DPYSL3: variants seen among roughly 807,000 people sequenced by gnomAD.
The protein encoded by DPYSL3 is dihydropyrimidinase like 3, also known as dihydropyrimidinase-related protein 3.
Under a neutral mutation model 66.1 loss-of-function variants are expected in DPYSL3, and 16 were observed. That is an observed-to-expected ratio of 0.24 (90% CI 0.16 to 0.37). The LOEUF (loss-of-function observed/expected upper bound fraction) is 0.37, where lower values mean the gene tolerates loss of function less well. Ranked by LOEUF, DPYSL3 falls within the 10% of genes least tolerant of loss-of-function variation. DPYSL3 has a pLI of 1.00. For missense variants in DPYSL3, 738 were observed against 916.2 expected, an observed-to-expected ratio of 0.81 and a Z score of 2.51; for synonymous variants, 338 against 345.1, an observed-to-expected ratio of 0.98 and a Z score of 0.23.
intron 2 of DPYSL3, among the ~76,000 whole-genome samples, chr5:147,419,885 C>A (rs916587193): frequency 1.3e-5 from 2 of 152,340 alleles, no homozygotes; most frequent in South Asian, 4.1e-4. Context: ...CTGGCCAATT[C>A]TGTTCTCATT....
intron 1 of DPYSL3, among the ~76,000 whole-genome samples, chr5:147,496,858 T>A (rs1753521925): frequency 6.6e-6 from 1 of 152,064 alleles, no homozygotes; most frequent in Non-Finnish European, 1.5e-5. Flanking sequence ...CTCAGGGATC[T>A]AGAACTAGAA....
intron 1 of DPYSL3, among the ~76,000 whole-genome samples, chr5:147,446,407 C>G (rs1256127483): frequency 6.6e-6 from 1 of 152,210 alleles, no homozygotes; most frequent in Non-Finnish European, 1.5e-5. Context: ...AAAATAAAAT[C>G]TCGTTTTACC....
At chr5:147,473,746 A>G (rs1031125368) in intron 1 of DPYSL3, among the ~76,000 whole-genome samples, 19 of 152,120 alleles carry the variant, frequency 1.2e-4, no homozygotes, top group African/African-American at 4.3e-4. Context: ...CTTTGCAGTT[A>G]AATGGTGATT....
At chr5:147,500,595 C>T (rs531628176) in intron 1 of DPYSL3, among the ~76,000 whole-genome samples, 6 of 136,526 alleles carry the variant, frequency 4.4e-5, no homozygotes, top group South Asian at 2.3e-4. Context: ...GCCTGGGCAA[C>T]AGAGTGAGAC....
At chr5:147,463,602 A>T (rs1198253610) in intron 1 of DPYSL3, among the ~76,000 whole-genome samples, 1 of 152,090 alleles carries the variant, frequency 6.6e-6, no homozygotes, top group Admixed American at 6.5e-5. Context: ...ACATAAAGTG[A>T]CCCTGTTAGT....
chr5:147,466,479 C>T (rs1490743570), intron 1 of DPYSL3, among the ~76,000 whole-genome samples: 1 of 152,196 alleles, frequency 6.6e-6, no homozygotes, highest in Admixed American at 6.5e-5. Context: ...AAGACTGAAT[C>T]CCGGAACTAC....
intron 5 of DPYSL3, among the ~76,000 whole-genome samples, chr5:147,412,976 T>G (rs1751887819): frequency 6.6e-6 from 1 of 152,194 alleles, no homozygotes; most frequent in Admixed American, 6.5e-5. Context: ...ACATTTTTAA[T>G]GGAATTATTT....
At chr5:147,454,882 G>A (rs1752816796) in intron 1 of DPYSL3, among the ~76,000 whole-genome samples, 1 of 152,178 alleles carries the variant, frequency 6.6e-6, no homozygotes, top group African/African-American at 2.4e-5. Context: ...AGTGGTGGCT[G>A]GGGGTGAGGG....
rs145236669 is a variant in DPYSL3 at position 147,416,825 on chromosome 5, A to G, written c.656-952T>C. Among the ~76,000 whole-genome samples the G allele has an allele frequency of 4.2e-3, 634 of 152,364 alleles. 3 individuals carry two copies. The highest frequency in any genetic ancestry group is 0.014 in the African/African-American group (592 of 41,594). On this transcript the variant is annotated intron_variant, in intron 3 of 13. Coordinates refer to ENST00000343218, the MANE Select transcript of DPYSL3 (RefSeq NM_001197294.2). ...ATTGGAAACAATTGAAATTGTTAAC[A>G]ATAGAGAAGTTAGGTTAAATACATA...
intron 1 of DPYSL3, among the ~76,000 whole-genome samples, chr5:147,496,695 A>G (rs1466062985): frequency 1.3e-5 from 2 of 152,172 alleles, no homozygotes; most frequent in South Asian, 2.1e-4. Flanking sequence ...CAAAACCACA[A>G]TGAGATACCA....
chr5:147,450,701 G>A (rs1752711745), intron 1 of DPYSL3, among the ~76,000 whole-genome samples: 1 of 151,970 alleles, frequency 6.6e-6, no homozygotes, highest in Non-Finnish European at 1.5e-5. Flanking sequence ...GGTGGAAGGA[G>A]GAAAAAACAA....
intron 1 of DPYSL3, among the ~76,000 whole-genome samples, chr5:147,426,378 T>C (rs1581187912): frequency 6.6e-6 from 1 of 151,934 alleles, no homozygotes; most frequent in African/African-American, 2.4e-5. Flanking sequence ...TTAAATCAGG[T>C]TGGGGAGGTA....
chr5:147,415,932 C>T, intron 3 of DPYSL3, 59 bp from the exon 4 acceptor site: 1 of 1,570,262 alleles, frequency 6.4e-7, no homozygotes, highest in Non-Finnish European at 8.7e-7. Context: ...TCCCCTCTGC[C>T]CAGGCCTGCT....
chr5:147,400,901 T>C (rs1473210112), intron 9 of DPYSL3, 68 bp from the exon 10 acceptor site: 1 of 1,565,938 alleles, frequency 6.4e-7, no homozygotes, highest in Non-Finnish European at 8.7e-7. Flanking sequence ...GCTTAGAGTC[T>C]TGTGTTTACT....
At chr5:147,494,804 G>A (rs1165582570) in intron 1 of DPYSL3, among the ~76,000 whole-genome samples, 11 of 150,724 alleles carry the variant, frequency 7.3e-5, no homozygotes, top group Non-Finnish European at 1.0e-4. Flanking sequence ...GCATGAACCC[G>A]GGAGGCAGAG....
At chr5:147,408,835 A>G (rs374106678) in intron 6 of DPYSL3, 39 bp from the exon 7 acceptor site, 36 of 1,610,222 alleles carry the variant, frequency 2.2e-5, no homozygotes, top group Non-Finnish European at 2.8e-5. Flanking sequence ...AATAAGCTCA[A>G]GTGAGATTTG....
chr5:147,495,483 G>T (rs530056810), intron 1 of DPYSL3, among the ~76,000 whole-genome samples: 1 of 152,284 alleles, frequency 6.6e-6, no homozygotes, highest in Non-Finnish European at 1.5e-5. Flanking sequence ...TGACATGATT[G>T]TATATCTAGA....
chr5:147,403,193 T>C (rs145298148), intron 8 of DPYSL3, among the ~76,000 whole-genome samples: 81 of 152,246 alleles, frequency 5.3e-4, no homozygotes, highest in African/African-American at 1.9e-3. Context: ...ATGATTCACA[T>C]TGGACAGCCC....
intron 1 of DPYSL3, among the ~76,000 whole-genome samples, chr5:147,497,774 C>T (rs1330513850): frequency 1.3e-5 from 2 of 151,520 alleles, no homozygotes; most frequent in Non-Finnish European, 2.9e-5. Flanking sequence ...AGAATACGCT[C>T]AAAAAAACCT....
Sources: allele counts gnomAD v4.1 joint callset (sites outside exome capture counted in the v4.1 genomes callset), GRCh38; gene constraint gnomAD v4.1.1; transcripts MANE v1.5; gene names NCBI Gene and HGNC (gene_info 2026-07-23, HGNC 2026-07-21).